The following MINDY4 variants were observed in gnomAD, a reference collection of about 807,000 sequenced individuals.
MINDY4 encodes the protein probable ubiquitin carboxyl-terminal hydrolase MINDY-4.
A neutral mutation model predicts 87.0 loss-of-function variants in MINDY4; 68 were observed. The ratio of observed to expected loss-of-function variants is 0.78; its 90% CI spans 0.64 to 0.96. The LOEUF (loss-of-function observed/expected upper bound fraction) is 0.96, where lower values mean the gene tolerates loss of function less well. Among genes scored for constraint, MINDY4 ranks in the 40% least tolerant of loss-of-function variants. The pLI, the probability that MINDY4 is intolerant of heterozygous loss-of-function variation, is 0.00. For synonymous variants in MINDY4, 379 were observed against 363.2 expected (o/e 1.04, Z -0.50); for missense variants, 919 against 928.2 (o/e 0.99, Z 0.13).
intron 6 of MINDY4, among the ~76,000 whole-genome samples, chr7:30,834,447 A>G (rs1162593801): frequency 6.6e-6 from 1 of 151,902 alleles, no homozygotes; most frequent in Non-Finnish European, 1.5e-5. Context: ...CAGCACAGGG[A>G]CCCTGGGCCC....
intron 17 of MINDY4, among the ~76,000 whole-genome samples, chr7:30,883,201 C>A (rs1790525481): frequency 6.6e-6 from 1 of 152,204 alleles, no homozygotes; most frequent in Admixed American, 6.5e-5. Context: ...GGTGATGCGT[C>A]TTTAGACAGC....
intron 5 of MINDY4, among the ~76,000 whole-genome samples, chr7:30,823,727 C>G (rs951678917): frequency 2.0e-5 from 3 of 152,066 alleles, no homozygotes; most frequent in Admixed American, 2.0e-4. Flanking sequence ...GTCCTATTTG[C>G]TGTGTCTGTT....
In MINDY4 at chr7:30,892,001, T is replaced by C. The variant is rs1450268133; in HGVS notation, c.2270T>C (p.Leu757Pro). The part of the protein sequence containing the change: ...SVNWNGSDPI[L>P] ...AACTGGAACGGCTCAGACCCCATCCTGTGACCGTTGGATGTGGGTAAACCC... is the reference window on the plus strand; with the variant it reads ...AACTGGAACGGCTCAGACCCCATCCCGTGACCGTTGGATGTGGGTAAACCC... The change falls in exon 18 of 18, where the codon CTG (leucine) becomes CCG (proline). Residue 757 changes from leucine to proline, a missense_variant. Coordinates refer to ENST00000265299, the MANE Select transcript of MINDY4 (RefSeq NM_032222.3). The C allele has an allele frequency of 1.2e-6, 2 of 1,614,186 alleles. No homozygotes were observed. Among genetic ancestry groups the C allele is most frequent in the Non-Finnish European group, 8.5e-7 (1 of 1,180,000 alleles).
Position 30,785,895 on chromosome 7 carries a change from C to A in MINDY4, c.566C>A (p.Pro189His). ...WEKIDKLHSE[P>H]SLDVKRMGEN... Reference sequence around the variant, plus strand: ...AAGATAGACAAGCTTCACTCGGAGCCTTCCTTGGATGTGAAGAGGATGGGA... The same window carrying A: ...AAGATAGACAAGCTTCACTCGGAGCATTCCTTGGATGTGAAGAGGATGGGA... Residue 189 changes from proline (P) to histidine (H), a missense_variant, in exon 4 of 18, where the codon CCT becomes CAT. Physicochemically the swap from Pro to His is moderately conservative, Grantham distance 77. Transcript: ENST00000265299. 4 of 1,614,224 alleles carry A rather than the reference C, an allele frequency of 2.5e-6. No homozygotes were observed. The highest frequency in any genetic ancestry group is 3.4e-6 in the Non-Finnish European group (4 of 1,180,044).
chr7:30,830,155 AT>A (rs1788654454), intron 6 of MINDY4, among the ~76,000 whole-genome samples: 2 of 152,140 alleles, frequency 1.3e-5, no homozygotes, highest in African/African-American at 4.8e-5. Context: ...ACCCCAGTTC[AT>A]TTTACTTTGG....
chr7:30,858,837 C>T, intron 12 of MINDY4: 1 of 382,576 alleles, frequency 2.6e-6, no homozygotes, highest in East Asian at 7.1e-5. Flanking sequence ...GCTGTGTGGC[C>T]TTGAACTGGT....
intron 1 of MINDY4, among the ~76,000 whole-genome samples, chr7:30,772,028 C>A (rs116645171): frequency 0.018 from 2,803 of 152,368 alleles, 88 homozygotes; most frequent in African/African-American, 0.064. Context: ...TCATTTTAGT[C>A]AACAGTGGGA....
intron 4 of MINDY4, among the ~76,000 whole-genome samples, chr7:30,787,149 C>G (rs936872868): frequency 6.6e-6 from 1 of 152,214 alleles, no homozygotes; most frequent in Non-Finnish European, 1.5e-5. Context: ...TGGCTGCAGT[C>G]TCTTCTATTA....
rs142062552 is a variant in MINDY4 at position 30,869,620 on chromosome 7, A to G, written c.1746-2623A>G. Reference sequence around the variant, plus strand: ...GAGTGTGCATCTTTGGTGTCCCTCTATGTGTCCAGATTTCCTCTTCTTCCA... The same window carrying G: ...GAGTGTGCATCTTTGGTGTCCCTCTGTGTGTCCAGATTTCCTCTTCTTCCA... On this transcript the variant is annotated intron_variant, in intron 13 of 17. Transcript: ENST00000265299. 7.3e-4 allele frequency among the ~76,000 whole-genome samples: 111 copies of G among 151,982 alleles called. 1 individual carries two copies. Among genetic ancestry groups the G allele is most frequent in the East Asian group, 5.4e-3 (28 of 5,148 alleles).
At chr7:30,818,512 G>T (rs1292506609) in intron 5 of MINDY4, among the ~76,000 whole-genome samples, 1 of 152,164 alleles carries the variant, frequency 6.6e-6, no homozygotes, top group East Asian at 1.9e-4. Flanking sequence ...AGCCCCATTA[G>T]ATGAAGAATA....
intron 17 of MINDY4, among the ~76,000 whole-genome samples, chr7:30,889,642 A>T (rs10227211): frequency 1.4e-4 from 21 of 151,778 alleles, no homozygotes; most frequent in African/African-American, 5.1e-4. Flanking sequence ...AACCCAATAG[A>T]CTCCTCTGGA....
intron 1 of MINDY4, among the ~76,000 whole-genome samples, chr7:30,773,286 G>C (rs908448323): frequency 1.3e-5 from 2 of 152,166 alleles, no homozygotes; most frequent in African/African-American, 2.4e-5. Flanking sequence ...TCAGATCCTC[G>C]TAACAGTCCT....
chr7:30,771,761 G>T (rs1454859157), intron 1 of MINDY4, among the ~76,000 whole-genome samples: 1 of 152,254 alleles, frequency 6.6e-6, no homozygotes, highest in African/African-American at 2.4e-5. Flanking sequence ...GTCACCGGGC[G>T]CTTCCGCAAG....
intron 17 of MINDY4, among the ~76,000 whole-genome samples, chr7:30,886,025 G>T (rs1790623489): frequency 6.6e-6 from 1 of 152,190 alleles, no homozygotes; most frequent in Non-Finnish European, 1.5e-5. Flanking sequence ...GAAACAGCAG[G>T]CTTAGGGGTA....
At chr7:30,851,081 T>G (rs899166266) in intron 10 of MINDY4, among the ~76,000 whole-genome samples, 9 of 152,220 alleles carry the variant, frequency 5.9e-5, no homozygotes, top group Non-Finnish European at 1.2e-4. Context: ...TCTTCACCGC[T>G]GGCCCCATTC....
intron 17 of MINDY4, among the ~76,000 whole-genome samples, chr7:30,886,933 C>T (rs914917546): frequency 1.3e-5 from 2 of 152,212 alleles, no homozygotes; most frequent in Non-Finnish European, 2.9e-5. Flanking sequence ...AGTGACCTCT[C>T]TCATGCTTCC....
At chr7:30,824,541 A>G (rs1469467006) in intron 5 of MINDY4, among the ~76,000 whole-genome samples, 2 of 152,222 alleles carry the variant, frequency 1.3e-5, no homozygotes, top group Non-Finnish European at 2.9e-5. Context: ...CCAAGAATCT[A>G]GTAACAAACA....
intron 9 of MINDY4, among the ~76,000 whole-genome samples, chr7:30,841,858 T>G (rs1001660795): frequency 2.0e-5 from 3 of 152,214 alleles, no homozygotes; most frequent in African/African-American, 7.2e-5. Context: ...TAGCTTAATC[T>G]TGCCAGTTCC....
At chr7:30,826,619 C>A (rs1788515697) in intron 5 of MINDY4, among the ~76,000 whole-genome samples, 1 of 152,186 alleles carries the variant, frequency 6.6e-6, no homozygotes, top group African/African-American at 2.4e-5. Flanking sequence ...AGGATACCTT[C>A]ATGGGCCTGG....
Sources: gnomAD v4.1 joint callset for allele counts (sites outside exome capture counted in the v4.1 genomes callset) on GRCh38, gnomAD v4.1.1 for gene constraint, MANE v1.5 for transcripts, NCBI Gene and HGNC (gene_info 2026-07-23, HGNC 2026-07-21) for gene names.